NOTCH2: variants seen among roughly 807,000 people sequenced by gnomAD.
NOTCH2 encodes notch receptor 2, also known as neurogenic locus notch homolog protein 2.
NOTCH2 carries 29 observed loss-of-function variants against 235.8 expected under a neutral mutation model. That is an observed-to-expected ratio of 0.12 (90% CI 0.09 to 0.17). NOTCH2 has a LOEUF of 0.17. Ranked by LOEUF, NOTCH2 falls within the 10% of genes least tolerant of loss-of-function variation. The pLI is 1.00. For missense variants in NOTCH2, 2,285 were observed against 3,150.2 expected (o/e 0.73, Z 6.57); for synonymous variants, 1,086 against 1,141.5 (o/e 0.95, Z 0.98).
intron 1 of NOTCH2, among the ~76,000 whole-genome samples, chr1:120,047,614 G>A (rs1553213812): frequency 1.5e-5 from 2 of 136,286 alleles, no homozygotes; most frequent in Admixed American, 7.0e-5. Context: ...AGCCTGGGAG[G>A]TGGAGGTTGT....
At chr1:119,934,661 G>C (rs587721538) in intron 22 of NOTCH2, among the ~76,000 whole-genome samples, 2 of 152,242 alleles carry the variant, frequency 1.3e-5, no homozygotes, top group East Asian at 3.9e-4. Context: ...AAACTTTACT[G>C]ACACAAAGCT....
intron 12 of NOTCH2, among the ~76,000 whole-genome samples, chr1:119,959,018 G>A (rs1444373629): frequency 6.6e-6 from 1 of 152,092 alleles, no homozygotes; most frequent in Non-Finnish European, 1.5e-5. Flanking sequence ...CCAGAAGCAA[G>A]CATTCAGTAT....
At position 120,005,451 on chromosome 1, in the gene NOTCH2, C is replaced by T; in HGVS notation, c.293G>A (p.Gly98Glu). 6.2e-7 allele frequency: 1 copy of T among 1,613,940 alleles called. No individual in the cohort carries two copies. Among genetic ancestry groups the T allele is most frequent in the Non-Finnish European group, 8.5e-7 (1 of 1,179,868 alleles). ...AGATGTTGAGTACTGGCAGTCCTCT[C>T]CTGTAAACCCTGAGGCACATCGGCA... ...ATCRCASGFT[G>E]EDCQYSTSHP... The change falls in exon 3 of 34, where the codon GGA becomes GAA. Residue 98 changes from glycine (G) to glutamate (E), a missense_variant. Physicochemically the swap from Gly to Glu is moderately conservative, Grantham distance 98 (BLOSUM62 -2). Around this residue, in one of 6 missense-constraint regions of NOTCH2, gnomAD observed 431 missense variants for 757.8 expected, o/e 0.57. Coordinates refer to ENST00000256646, the MANE Select transcript of NOTCH2 (RefSeq NM_024408.4).
intron 1 of NOTCH2, among the ~76,000 whole-genome samples, chr1:120,065,491 A>T (rs587714443): frequency 6.6e-6 from 1 of 152,222 alleles, no homozygotes; most frequent in African/African-American, 2.4e-5. Flanking sequence ...ACGAGATGGA[A>T]GCAATGAGGA....
At chr1:119,955,275 A>T in intron 12 of NOTCH2, 43 bp from the exon 13 acceptor site, 1 of 1,595,108 alleles carries the variant, frequency 6.3e-7, no homozygotes, top group Non-Finnish European at 8.6e-7. Flanking sequence ...CTAAATGCTT[A>T]GGAAATAGAC....
chr1:119,938,633 T>C (rs1397557846), intron 19 of NOTCH2, among the ~76,000 whole-genome samples: 4 of 152,208 alleles, frequency 2.6e-5, no homozygotes, highest in Non-Finnish European at 5.9e-5. Context: ...TGCACTCATA[T>C]GATTATCATA....
chr1:119,911,573 T>G lies in NOTCH2; in HGVS notation c.*3733A>C. 1 of 230,648 alleles carries G rather than the reference T, an allele frequency of 4.3e-6. No homozygotes were observed. Among genetic ancestry groups the G allele is most frequent in the East Asian group, 6.2e-5 (1 of 16,002 alleles). 14.3% of individuals were successfully genotyped at this position (230,648 alleles called of 1,614,324 possible). A position where few individuals can be genotyped will look rare whatever the true frequency, so the allele number is the denominator to read the frequency against. ...AAGTATTCATGTTCAAATATCTCAC[T>G]GACTTTATAAATAAATGTATGAATG... On this transcript the variant is annotated 3_prime_UTR_variant, in exon 34 of 34. Coordinates refer to ENST00000256646, the MANE Select transcript of NOTCH2 (RefSeq NM_024408.4).
intron 2 of NOTCH2, among the ~76,000 whole-genome samples, chr1:120,014,227 C>T (rs185529028): frequency 6.6e-6 from 1 of 151,922 alleles, no homozygotes; most frequent in African/African-American, 2.4e-5. Flanking sequence ...ATAAACTAAT[C>T]TGAATACTTA....
At position 120,067,411 on chromosome 1, in the gene NOTCH2, G is replaced by A. The variant is rs780548475; in HGVS notation, c.73+1923C>T. ...CAGCAGAGCAGAGGTGGAGGGCATA[G>A]TTTTATGCACTGAGATCCTATAATA... is the stretch of plus-strand genomic sequence containing the variant. On this transcript the variant is annotated intron_variant, in intron 1 of 33. Coordinates refer to ENST00000256646, the MANE Select transcript of NOTCH2 (RefSeq NM_024408.4). Among the ~76,000 whole-genome samples, 15 of 152,148 alleles carry A rather than the reference G, an allele frequency of 9.9e-5. 1 individual carries two copies. Among genetic ancestry groups the A allele is most frequent in the Middle Eastern group, 6.8e-3 (2 of 294 alleles).
rs587763305 is a variant in NOTCH2 at position 120,069,065 on chromosome 1, C to T, written c.73+269G>A. On this transcript the variant is annotated intron_variant, in intron 1 of 33. Transcript: ENST00000256646. ...CACTACGAAAAAGGAGTTTCTGAGA[C>T]TTGCTGCCGGCCTCCCTCCTGCCGA... is the stretch of plus-strand genomic sequence containing the variant. 1,047 of 1,479,760 alleles carry T rather than the reference C, an allele frequency of 7.1e-4. 16 individuals carry two copies. Among genetic ancestry groups the T allele is most frequent in the Admixed American group, 1.7e-3 (83 of 49,760 alleles). 91.7% of individuals were successfully genotyped at this position (1,479,760 alleles called of 1,614,324 possible). A position where few individuals can be genotyped will look rare whatever the true frequency, so the allele number is the denominator to read the frequency against.
At chr1:120,002,475 C>A (rs1240623319) in intron 3 of NOTCH2, among the ~76,000 whole-genome samples, 1 of 151,856 alleles carries the variant, frequency 6.6e-6, no homozygotes, top group East Asian at 1.9e-4. Context: ...CCAATCCAGG[C>A]GGAACTACAA....
intron 3 of NOTCH2, among the ~76,000 whole-genome samples, chr1:120,004,231 T>C (rs1315218176): frequency 1.3e-5 from 2 of 149,758 alleles, no homozygotes; most frequent in South Asian, 4.3e-4. Context: ...AATAGACAGG[T>C]GAAAGGCAAC....
At chr1:120,062,882 T>C (rs1257478051) in intron 1 of NOTCH2, among the ~76,000 whole-genome samples, 1 of 152,208 alleles carries the variant, frequency 6.6e-6, no homozygotes. Context: ...CCTTTGCTTT[T>C]CTTATTCCAA....
At chr1:119,956,171 G>C (rs1553198351) in intron 12 of NOTCH2, among the ~76,000 whole-genome samples, 1 of 152,146 alleles carries the variant, frequency 6.6e-6, no homozygotes, top group Non-Finnish European at 1.5e-5. Context: ...TTCTTAGGCT[G>C]AATAAAGTAA....
chr1:119,933,721 G>A (rs1000584763), intron 22 of NOTCH2, among the ~76,000 whole-genome samples: 2 of 152,108 alleles, frequency 1.3e-5, no homozygotes, highest in Non-Finnish European at 2.9e-5. Flanking sequence ...CAAAAATTTT[G>A]TTTCCTTCTG....
chr1:120,060,472 A>T (rs2794143), intron 1 of NOTCH2, among the ~76,000 whole-genome samples: 6,427 of 140,192 alleles, frequency 0.046, 157 homozygotes, highest in African/African-American at 0.15. Context: ...TATATATATA[A>T]AAATAAATCA....
chr1:119,915,249 G>C lies in NOTCH2; in HGVS notation c.*57C>G. 1 of 1,555,800 alleles carries C rather than the reference G, an allele frequency of 6.4e-7. No homozygotes were observed. Among genetic ancestry groups the C allele is most frequent in the Non-Finnish European group, 8.8e-7 (1 of 1,131,968 alleles). On this transcript the variant is annotated 3_prime_UTR_variant, in exon 34 of 34. Transcript: ENST00000256646. ...TTTCTCTCCCGGATGACCTTCATTT[G>C]TTCCTCAGCAGCATTTACAAAAGTC...
At chr1:119,956,493 C>T (rs1314623036) in intron 12 of NOTCH2, among the ~76,000 whole-genome samples, 1 of 152,202 alleles carries the variant, frequency 6.6e-6, no homozygotes, top group Non-Finnish European at 1.5e-5. Context: ...TCTAAACCAT[C>T]ATTGGTGGTT....
intron 4 of NOTCH2, among the ~76,000 whole-genome samples, chr1:119,989,568 ATAT>A (rs1311637139): frequency 2.6e-5 from 4 of 152,038 alleles, no homozygotes; most frequent in African/African-American, 9.7e-5. Context: ...TCTGCAAATC[ATAT>A]TATCTGATAA....
Sources: gnomAD v4.1 joint callset for allele counts (sites outside exome capture counted in the v4.1 genomes callset) on GRCh38, gnomAD v4.1.1 for gene constraint, gnomAD v4.1.1 regional missense constraint, MANE v1.5 for transcripts, NCBI Gene and HGNC (gene_info 2026-07-23, HGNC 2026-07-21) for gene names.